The following ULK1 variants were observed in gnomAD, a reference collection of about 807,000 sequenced individuals.
ULK1 encodes serine/threonine-protein kinase ULK1.
In ULK1, 48 loss-of-function variants were observed where a neutral mutation model predicts 117.5. The observed-to-expected ratio is 0.41, with a 90% CI of 0.32 to 0.52. The LOEUF (loss-of-function observed/expected upper bound fraction) is 0.52, where lower values mean the gene tolerates loss of function less well. ULK1 is among the 20% of genes least tolerant of loss of function. The pLI, the probability that ULK1 is intolerant of heterozygous loss-of-function variation, is 0.29. For synonymous variants in ULK1, 790 were observed against 637.8 expected (o/e 1.24, Z -3.60); for missense variants, 1,387 against 1,473.4 (o/e 0.94, Z 0.96).
At chr12:131,914,561 G>C in intron 16 of ULK1, 84 bp downstream of exon 16, 1 of 1,514,498 alleles carries the variant, frequency 6.6e-7, no homozygotes, top group East Asian at 2.4e-5. Flanking sequence ...AGAGGGACAG[G>C]GTCGTCATCC....
intron 9 of ULK1, 40 bp from the exon 10 acceptor site, chr12:131,909,879 C>T: frequency 1.2e-6 from 2 of 1,608,292 alleles, no homozygotes; most frequent in South Asian, 1.1e-5. Context: ...CGGGCTCCGG[C>T]CCCGCAGGCC....
chr12:131,921,965 C>G lies in ULK1; in HGVS notation c.*604C>G, dbSNP rs770372394. On this transcript the variant is annotated 3_prime_UTR_variant, in exon 28 of 28. Transcript: ENST00000321867. ...GCCAGGGCCCCCCAAGCCCGAGCAC[C>G]GGACCACGTTGCTGCCCAGGTCTGG... 1 of 456,226 alleles carries G rather than the reference C, an allele frequency of 2.2e-6. No individual in the cohort carries two copies. The highest frequency in any genetic ancestry group is 2.3e-5 in the Admixed American group (1 of 42,560). The allele number at this position is 456,226 out of a possible 1,614,324, so 28.3% of individuals were successfully genotyped here.
intron 5 of ULK1, among the ~76,000 whole-genome samples, chr12:131,908,324 G>C (rs901710207): frequency 6.6e-6 from 1 of 152,126 alleles, no homozygotes; most frequent in African/African-American, 2.4e-5. Context: ...TCTGGATGCC[G>C]GGAAGAGGGG....
chr12:131,919,110 AC>A lies in ULK1; in HGVS notation c.2512-99del, dbSNP rs1293707339. 5 of 1,362,354 alleles carry A rather than the reference AC, an allele frequency of 3.7e-6. No homozygotes were observed. In the African/African-American group the frequency reaches 7.3e-5, roughly 20 times the overall value. The allele number at this position is 1,362,354 out of a possible 1,614,324, so 84.4% of individuals were successfully genotyped here. Reference sequence around the variant, plus strand: ...TGCCCGGGCTGCAGCAGGGGAGGGTACCCTGCCCTGCCTCCCCAAGGCGTCA... The same window carrying A: ...TGCCCGGGCTGCAGCAGGGGAGGGTACCTGCCCTGCCTCCCCAAGGCGTCA... On this transcript the variant is annotated intron_variant, in intron 23 of 27. Coordinates refer to ENST00000321867, the MANE Select transcript of ULK1 (RefSeq NM_003565.4).
chr12:131,916,731 C>T (rs1353563576), intron 20 of ULK1, 140 bp downstream of exon 20: 4 of 1,220,572 alleles, frequency 3.3e-6, no homozygotes, highest in Non-Finnish European at 4.4e-6. Flanking sequence ...TGGCTGGGTG[C>T]CAGAGAGCCT....
intron 20 of ULK1, 98 bp from the exon 21 acceptor site, chr12:131,916,855 C>A: frequency 1.7e-6 from 2 of 1,167,850 alleles, no homozygotes; most frequent in Non-Finnish European, 2.4e-6. Context: ...GGCCAGGAGA[C>A]CGTGCATCAT....
At chr12:131,919,434 G>A (rs1566129990) in intron 24 of ULK1, 38 bp from the exon 25 acceptor site, 1 of 1,591,862 alleles carries the variant, frequency 6.3e-7, no homozygotes, top group Non-Finnish European at 8.6e-7. Context: ...TGGGGGCCAG[G>A]ACCAACCGGC....
At chr12:131,912,430 C>T (rs1889581244) in intron 13 of ULK1, among the ~76,000 whole-genome samples, 1 of 152,224 alleles carries the variant, frequency 6.6e-6, no homozygotes, top group Admixed American at 6.5e-5. Flanking sequence ...CTTGTTGCCT[C>T]TACACCCTGC....
chr12:131,896,236 G>T (rs1888863341), intron 3 of ULK1, among the ~76,000 whole-genome samples: 1 of 152,200 alleles, frequency 6.6e-6, no homozygotes. Flanking sequence ...CGTCAGACGG[G>T]GCGGGGGAGG....
chr12:131,913,341 G>A (rs1004789763), intron 14 of ULK1, 83 bp downstream of exon 14: 58 of 1,361,272 alleles, frequency 4.3e-5, no homozygotes, highest in Non-Finnish European at 5.2e-5. Flanking sequence ...ACAATGAGCC[G>A]AGATCGCGCC....
intron 11 of ULK1, among the ~76,000 whole-genome samples, 161 bp from the exon 12 acceptor site, chr12:131,910,551 G>A (rs1202830955): frequency 1.3e-5 from 2 of 152,270 alleles, no homozygotes; most frequent in South Asian, 2.1e-4. Flanking sequence ...CCCTGTGACA[G>A]TCATAGGGTG....
chr12:131,908,738 C>T lies in ULK1; in HGVS notation c.411C>T (p.Arg137=), dbSNP rs1322956231. Reference sequence around the variant, plus strand: ...TGCACAGCAAAGGCATCATCCACCGCGACCTGAAACCGCAGAACATCCTGC... The same window carrying T: ...TGCACAGCAAAGGCATCATCCACCGTGACCTGAAACCGCAGAACATCCTGC... ...RLLHSKGIIH[R]DLKPQNILLS... Residue 137 remains arginine, a synonymous_variant, in exon 6 of 28, where the codon CGC becomes CGT. Transcript: ENST00000321867. 16 of 1,608,648 alleles carry T rather than the reference C, an allele frequency of 9.9e-6. No individual in the cohort carries two copies. The Admixed American group carries it at 1.3e-4, about 14-fold the overall frequency.
chr12:131,913,128 G>C (rs1889614225), intron 13 of ULK1, 70 bp from the exon 14 acceptor site: 4 of 1,444,776 alleles, frequency 2.8e-6, no homozygotes. Context: ...CCAGCAGAGA[G>C]CCTCGGTGGG....
At chr12:131,916,896 G>A in intron 20 of ULK1, 57 bp from the exon 21 acceptor site, 1 of 1,494,804 alleles carries the variant, frequency 6.7e-7, no homozygotes, top group Non-Finnish European at 9.1e-7. Flanking sequence ...GACCTCTCGA[G>A]GTCCAGTTAG....
chr12:131,900,564 G>T (rs559626954), intron 3 of ULK1, among the ~76,000 whole-genome samples: 36 of 152,342 alleles, frequency 2.4e-4, no homozygotes, highest in African/African-American at 8.2e-4. Context: ...GTATAGGGCT[G>T]TGGAGCCAGG....
In ULK1 at chr12:131,922,435, C is replaced by CG; in HGVS notation, c.*1074_*1075insG. 5.3e-6 allele frequency: 1 copy of CG among 189,886 alleles called. No homozygotes were observed. Among genetic ancestry groups the CG allele is most frequent in the South Asian group, 8.2e-5 (1 of 12,156 alleles). The allele number at this position is 189,886 out of a possible 1,614,324, so 11.8% of individuals were successfully genotyped here. ...AAGAAAAAAGTAACATGTGCAAAAGCTCCCCGTCCAGCTTTGACAGTCAGT... is the reference window on the plus strand; with the variant it reads ...AAGAAAAAAGTAACATGTGCAAAAGCGTCCCCGTCCAGCTTTGACAGTCAGT... On this transcript the variant is annotated 3_prime_UTR_variant, in exon 28 of 28. Transcript: ENST00000321867.
In ULK1 at chr12:131,916,473, G is replaced by A. The variant is rs1889789475; in HGVS notation, c.1954G>A (p.Val652Met). Reference protein sequence around the residue: ...LLALLARQGVVMTPPRNRTLP... With the variant: ...LLALLARQGVMMTPPRNRTLP... ...GGCCCTCCTAGCCCGGCAGGGCGTGGTGATGACGCCCCCTCGAAACCGGAC... is the reference window on the plus strand; with the variant it reads ...GGCCCTCCTAGCCCGGCAGGGCGTGATGATGACGCCCCCTCGAAACCGGAC... The change falls in exon 20 of 28, where the codon GTG becomes ATG. Residue 652 changes from valine (V) to methionine (M), a missense_variant. Val to Met is a conservative substitution (Grantham distance 21). Coordinates refer to ENST00000321867, the MANE Select transcript of ULK1 (RefSeq NM_003565.4). 7 of 1,612,250 alleles carry A rather than the reference G, an allele frequency of 4.3e-6. No homozygotes were observed. The highest frequency in any genetic ancestry group is 1.7e-5 in the Admixed American group (1 of 59,962).
At chr12:131,920,810 C>T (rs1890119352) in intron 26 of ULK1, 1 of 412,012 alleles carries the variant, frequency 2.4e-6, no homozygotes. Context: ...CCCTTCCCGC[C>T]CAGGCAGGCC....
At position 131,915,149 on chromosome 12, in the gene ULK1, C is replaced by A; in HGVS notation, c.1440C>A (p.Pro480=). 6.2e-7 allele frequency: 1 copy of A among 1,606,538 alleles called. No individual in the cohort carries two copies. The highest frequency in any genetic ancestry group is 8.5e-7 in the Non-Finnish European group (1 of 1,176,944). Residue 480 remains proline, a synonymous_variant, in exon 17 of 28, where the codon CCC becomes CCA. Coordinates refer to ENST00000321867, the MANE Select transcript of ULK1 (RefSeq NM_003565.4). Reference sequence around the variant, plus strand: ...GCTTTGCAAGGGCCAGCCCCTCGCCCCCTGCCCACGCTGAGCATGGAGGCG... The same window carrying A: ...GCTTTGCAAGGGCCAGCCCCTCGCCACCTGCCCACGCTGAGCATGGAGGCG... ...PLGFARASPS[P]PAHAEHGGVL...
Sources: allele counts gnomAD v4.1 joint callset (sites outside exome capture counted in the v4.1 genomes callset), GRCh38; gene constraint gnomAD v4.1.1; transcripts MANE v1.5; gene names NCBI Gene and HGNC (gene_info 2026-07-23, HGNC 2026-07-21).